Variants in OLFML2B observed in about 807,000 individuals in gnomAD.
OLFML2B encodes olfactomedin-like protein 2B.
In OLFML2B, 57 loss-of-function variants were observed where a neutral mutation model predicts 74.9. The ratio of observed to expected loss-of-function variants is 0.76; its 90% CI spans 0.61 to 0.95. The LOEUF (loss-of-function observed/expected upper bound fraction) is 0.95, where lower values mean the gene tolerates loss of function less well. OLFML2B is among the 40% of genes least tolerant of loss of function. OLFML2B has a pLI of 0.00. For missense variants in OLFML2B, 986 were observed against 970.6 expected (o/e 1.02, Z -0.21); for synonymous variants, 388 against 405.8 (o/e 0.96, Z 0.53).
At chr1:161,996,366 A>G (rs1354937171) in intron 6 of OLFML2B, among the ~76,000 whole-genome samples, 5 of 152,256 alleles carry the variant, frequency 3.3e-5, no homozygotes, top group African/African-American at 9.6e-5. Flanking sequence ...CAGAGAAGGC[A>G]GAGATTTGGC....
At chr1:161,991,566 C>T (rs1001473613) in intron 6 of OLFML2B, among the ~76,000 whole-genome samples, 6 of 152,290 alleles carry the variant, frequency 3.9e-5, no homozygotes, top group African/African-American at 1.4e-4. Context: ...GAAACTCCAT[C>T]TCTACTAAAA....
At chr1:162,004,306 A>G (rs1294909723) in intron 4 of OLFML2B, among the ~76,000 whole-genome samples, 1 of 152,166 alleles carries the variant, frequency 6.6e-6, no homozygotes, top group Admixed American at 6.5e-5. Flanking sequence ...CCACTCAGAG[A>G]TGATCCACCA....
chr1:161,994,131 G>A (rs1177889958), intron 6 of OLFML2B, among the ~76,000 whole-genome samples: 1 of 152,248 alleles, frequency 6.6e-6, no homozygotes, highest in Non-Finnish European at 1.5e-5. Context: ...GTTGGGTTAG[G>A]AGCATCAGCA....
At chr1:161,991,904 G>T (rs1416092106) in intron 6 of OLFML2B, among the ~76,000 whole-genome samples, 2 of 152,188 alleles carry the variant, frequency 1.3e-5, no homozygotes, top group Non-Finnish European at 2.9e-5. Context: ...TTTTAGAATG[G>T]TAAATGAGCA....
intron 2 of OLFML2B, 120 bp from the exon 3 acceptor site, chr1:162,017,627 T>C (rs1690580347): frequency 3.0e-6 from 2 of 663,538 alleles, no homozygotes; most frequent in South Asian, 4.2e-5. Flanking sequence ...AATTGAGAGG[T>C]TGCCGTGAGA....
chr1:161,991,976 T>C lies in OLFML2B; in HGVS notation c.1474+5849A>G, dbSNP rs143668967. Reference sequence around the variant, plus strand: ...CTAACAGAAGAGTCACCTTGTCCTTTGAAGCTTTGAAGCCAGGCACTGACC... The same window carrying C: ...CTAACAGAAGAGTCACCTTGTCCTTCGAAGCTTTGAAGCCAGGCACTGACC... On this transcript the variant is annotated intron_variant, in intron 6 of 7. Transcript: ENST00000294794. Among the ~76,000 whole-genome samples the C allele has an allele frequency of 1.2e-4, 18 of 152,316 alleles. 1 individual carries two copies. The East Asian group carries it at 3.3e-3, about 28-fold the overall frequency.
Position 161,983,640 on chromosome 1 carries a change from AC to A in OLFML2B, c.*34del, listed in dbSNP as rs1417364736. ...CACACATACACACAAGGTGCTAGTG[AC>A]CCCTCTGTGCTTCTGCTTGTGGGGA... On this transcript the variant is annotated 3_prime_UTR_variant, in exon 8 of 8. Transcript: ENST00000294794. The A allele has an allele frequency of 6.3e-7, 1 of 1,578,638 alleles. No homozygotes were observed. Among genetic ancestry groups the A allele is most frequent in the Admixed American group, 1.7e-5 (1 of 58,472 alleles).
rs1689498431 is a variant in OLFML2B, at chr1:161,983,847, G to A, written c.2081C>T (p.Ala694Val). The A allele has an allele frequency of 1.2e-6, 2 of 1,614,140 alleles. No individual in the cohort carries two copies. The highest frequency in any genetic ancestry group is 1.7e-6 in the Non-Finnish European group (2 of 1,180,020). The stretch of plus-strand genomic sequence containing the variant: ...GGTGTCGAAAGCGTAGGAGATGTTG[G>A]CATTCCGCTGGTTGTAGCTATCCAC... ...YAVDSYNQRN[A>V]NISYAFDTHT... The change falls in exon 8 of 8, where the codon GCC becomes GTC. Residue 694 changes from alanine (A) to valine (V), a missense_variant. Transcript: ENST00000294794.
intron 3 of OLFML2B, among the ~76,000 whole-genome samples, 174 bp from the exon 4 acceptor site, chr1:162,006,647 G>A (rs1234709397): frequency 6.6e-6 from 1 of 152,084 alleles, no homozygotes; most frequent in Non-Finnish European, 1.5e-5. Flanking sequence ...CCGGTACCAG[G>A]TCTCCTGGCA....
intron 3 of OLFML2B, among the ~76,000 whole-genome samples, chr1:162,012,819 T>G (rs950086448): frequency 6.6e-6 from 1 of 152,218 alleles, no homozygotes; most frequent in African/African-American, 2.4e-5. Context: ...GGGACATTTC[T>G]TCATAAAATT....
chr1:162,017,088 T>C (rs1170909998), intron 3 of OLFML2B, among the ~76,000 whole-genome samples: 1 of 152,224 alleles, frequency 6.6e-6, no homozygotes, highest in Admixed American at 6.5e-5. Flanking sequence ...ATGCTTATTG[T>C]ACCTTTACAT....
chr1:162,018,966 T>A (rs1163814356), intron 2 of OLFML2B, among the ~76,000 whole-genome samples: 1 of 152,088 alleles, frequency 6.6e-6, no homozygotes, highest in Non-Finnish European at 1.5e-5. Flanking sequence ...TCCCCCAGAG[T>A]CTAATCCTAC....
intron 7 of OLFML2B, among the ~76,000 whole-genome samples, 158 bp from the exon 8 acceptor site, chr1:161,984,434 G>A (rs536793782): frequency 2.6e-5 from 4 of 152,228 alleles, no homozygotes; most frequent in Non-Finnish European, 5.9e-5. Context: ...CACTCAACCT[G>A]TCCGTGCCTC....
intron 1 of OLFML2B, among the ~76,000 whole-genome samples, chr1:162,021,626 C>G (rs1473610753): frequency 6.6e-6 from 1 of 152,176 alleles, no homozygotes; most frequent in Non-Finnish European, 1.5e-5. Context: ...TCTTCTAATA[C>G]TAATATTTGC....
intron 6 of OLFML2B, chr1:161,985,220 T>C: frequency 2.3e-6 from 1 of 433,844 alleles, no homozygotes; most frequent in Non-Finnish European, 4.1e-6. Flanking sequence ...CCACTATGCT[T>C]TGCTCCTGTT....
In OLFML2B at chr1:161,983,439, A is replaced by T. The variant is rs1380788430; in HGVS notation, c.*236T>A. 2.6e-6 allele frequency: 1 copy of T among 381,804 alleles called. No homozygotes were observed. Among genetic ancestry groups the T allele is most frequent in the Non-Finnish European group, 4.6e-6 (1 of 215,686 alleles). 23.7% of individuals were successfully genotyped at this position (381,804 alleles called of 1,614,324 possible). A position where few individuals can be genotyped will look rare whatever the true frequency, so the allele number is the denominator to read the frequency against. ...AAGGTGGTTACTGGTCAAAAGGAGA[A>T]GTTCATTTGCACAAAAATATAAACT... On this transcript the variant is annotated 3_prime_UTR_variant, in exon 8 of 8. Coordinates refer to ENST00000294794, the MANE Select transcript of OLFML2B (RefSeq NM_015441.3).
chr1:161,984,377 C>T lies in OLFML2B; in HGVS notation c.1652-101G>A, dbSNP rs1294231161. ...ATGATCAACGAGGGGTCTGGAAACC[C>T]AGGTTTGTGTCTTGGCTCTGCCACT... On this transcript the variant is annotated intron_variant, in intron 7 of 7. Coordinates refer to ENST00000294794, the MANE Select transcript of OLFML2B (RefSeq NM_015441.3). The T allele has an allele frequency of 5.5e-6, 8 of 1,463,670 alleles. 1 individual carries two copies. In the Middle Eastern group the frequency reaches 1.5e-3, roughly 271 times the overall value. 90.7% of individuals were successfully genotyped at this position (1,463,670 alleles called of 1,614,324 possible). A position where few individuals can be genotyped will look rare whatever the true frequency, so the allele number is the denominator to read the frequency against.
chr1:161,996,213 C>T (rs1260758079), intron 6 of OLFML2B, among the ~76,000 whole-genome samples: 2 of 152,110 alleles, frequency 1.3e-5, no homozygotes, highest in Non-Finnish European at 2.9e-5. Flanking sequence ...TCTTTATTTA[C>T]AATAGCATGG....
intron 1 of OLFML2B, among the ~76,000 whole-genome samples, chr1:162,021,451 T>C (rs1198614190): frequency 1.3e-5 from 2 of 152,212 alleles, no homozygotes; most frequent in Non-Finnish European, 1.5e-5. Context: ...CAAAAGGCCC[T>C]ACATCCCCAA....
Sources: allele counts gnomAD v4.1 joint callset (sites outside exome capture counted in the v4.1 genomes callset), GRCh38; gene constraint gnomAD v4.1.1; transcripts MANE v1.5; gene names NCBI Gene and HGNC (gene_info 2026-07-23, HGNC 2026-07-21).